Variants in RBFOX1 observed in about 807,000 individuals in gnomAD.
The protein encoded by RBFOX1 is RNA binding fox-1 homolog 1.
A neutral mutation model predicts 57.7 loss-of-function variants in RBFOX1; 8 were observed. The observed-to-expected ratio is 0.14, with a 90% CI of 0.08 to 0.25. The LOEUF is 0.25. Among genes scored for constraint, RBFOX1 ranks in the 10% least tolerant of loss-of-function variants. The pLI is 1.00. For missense variants in RBFOX1, 611 were observed against 548.5 expected, an observed-to-expected ratio of 1.11 and a Z score of -1.14; for synonymous variants, 326 against 222.4, an observed-to-expected ratio of 1.47 and a Z score of -4.15.
chr16:7,174,507 G>C (rs573130388), intron 4 of RBFOX1, among the ~76,000 whole-genome samples: 7 of 152,168 alleles, frequency 4.6e-5, no homozygotes, highest in African/African-American at 1.2e-4. Context: ...CTGGCTGGGC[G>C]CAGTGGCTCA....
Position 6,670,186 on chromosome 16 carries a change from C to A in RBFOX1, c.-16+15536C>A, listed in dbSNP as rs529475886. ...CAGTGTGATCCTCCTACATCAGCTTCCCAAGTAGCTGGAACCACAGGAGTG... is the reference window on the plus strand; with the variant it reads ...CAGTGTGATCCTCCTACATCAGCTTACCAAGTAGCTGGAACCACAGGAGTG... On this transcript the variant is annotated intron_variant, in intron 3 of 15. Transcript: ENST00000550418. Among the ~76,000 whole-genome samples the A allele has an allele frequency of 4.6e-5, 7 of 152,212 alleles. No individual in the cohort carries two copies. In the South Asian group the frequency reaches 1.5e-3, roughly 32 times the overall value.
intron 4 of RBFOX1, among the ~76,000 whole-genome samples, chr16:7,359,174 G>A (rs1263256726): frequency 6.6e-6 from 1 of 152,134 alleles, no homozygotes; most frequent in Non-Finnish European, 1.5e-5. Context: ...GTGACCTTTG[G>A]CATGTCTCAG....
chr16:7,152,677 G>A (rs969922539), intron 4 of RBFOX1, among the ~76,000 whole-genome samples: 2 of 152,088 alleles, frequency 1.3e-5, no homozygotes, highest in Admixed American at 1.3e-4. Context: ...AATTTATTTT[G>A]CTTTGGAAAT....
chr16:5,821,678 G>T (rs1368264074), intron 3 of RBFOX1, among the ~76,000 whole-genome samples: 1 of 152,168 alleles, frequency 6.6e-6, no homozygotes, highest in East Asian at 1.9e-4. Flanking sequence ...TCCTGAGACT[G>T]TGTAACTTAC....
chr16:7,476,694 T>G (rs1257167103), intron 4 of RBFOX1, among the ~76,000 whole-genome samples: 1 of 152,136 alleles, frequency 6.6e-6, no homozygotes, highest in Non-Finnish European at 1.5e-5. Context: ...ATCCCTCACT[T>G]CATTTCCCCA....
At chr16:5,891,146 C>A (rs2058036414) in intron 4 of RBFOX1, among the ~76,000 whole-genome samples, 1 of 152,130 alleles carries the variant, frequency 6.6e-6, no homozygotes, top group Non-Finnish European at 1.5e-5. Context: ...GCCTCTCTAC[C>A]CTCCTTAGGA....
intron 3 of RBFOX1, among the ~76,000 whole-genome samples, chr16:6,982,981 T>TGAG (rs1285221764): frequency 9.2e-6 from 1 of 108,684 alleles, no homozygotes; most frequent in African/African-American, 3.8e-5. Context: ...GTGACAAGAG[T>TGAG]GAGACTCTGT....
chr16:6,663,987 A>G (rs559887428), intron 3 of RBFOX1, among the ~76,000 whole-genome samples: 134 of 152,314 alleles, frequency 8.8e-4, no homozygotes, highest in Non-Finnish European at 1.2e-3. Flanking sequence ...TTGACCAGGA[A>G]GAGTATTATG....
chr16:5,801,045 G>C (rs781021645), intron 3 of RBFOX1, among the ~76,000 whole-genome samples: 18 of 152,072 alleles, frequency 1.2e-4, no homozygotes, highest in Non-Finnish European at 5.9e-5. Context: ...TCACAGGATT[G>C]CCACTTTTGA....
chr16:6,740,185 G>C (rs935154862), intron 3 of RBFOX1, among the ~76,000 whole-genome samples: 2 of 152,100 alleles, frequency 1.3e-5, no homozygotes, highest in African/African-American at 4.8e-5. Context: ...CACATTAGCT[G>C]ATGCAGGAAA....
chr16:7,463,160 C>A (rs1418370252), intron 4 of RBFOX1, among the ~76,000 whole-genome samples: 25 of 152,092 alleles, frequency 1.6e-4, no homozygotes, highest in Admixed American at 1.6e-3. Context: ...TCTTGCTATG[C>A]CCTCAGATGG....
rs114288040 is a variant in RBFOX1, at chr16:7,284,313, A to T, written c.27+232215A>T. Among the ~76,000 whole-genome samples the T allele has an allele frequency of 4.9e-3, 743 of 152,190 alleles. 9 individuals carry two copies. Among genetic ancestry groups the T allele is most frequent in the African/African-American group, 0.017 (710 of 41,520 alleles). ...CTAGGAGTGGTGTTGCTGGATTGAG[A>T]AGTATGTTTATGTTTAACTTTATTC... On this transcript the variant is annotated intron_variant, in intron 4 of 15. Transcript: ENST00000550418.
intron 2 of RBFOX1, among the ~76,000 whole-genome samples, chr16:5,473,207 C>T (rs187639325): frequency 1.3e-4 from 20 of 152,252 alleles, no homozygotes; most frequent in South Asian, 2.1e-4. Flanking sequence ...TTTCTTCCCA[C>T]AAAAATATAT....
intron 4 of RBFOX1, among the ~76,000 whole-genome samples, chr16:7,319,738 G>A (rs183067433): frequency 1.4e-3 from 206 of 152,290 alleles, no homozygotes; most frequent in African/African-American, 4.5e-3. Flanking sequence ...ATGTGAAGCA[G>A]GCAGAGGAAA....
chr16:7,121,387 G>T (rs915097960), intron 4 of RBFOX1, among the ~76,000 whole-genome samples: 2 of 151,870 alleles, frequency 1.3e-5, no homozygotes, highest in African/African-American at 4.8e-5. Context: ...AAACCTCTTA[G>T]GTGAAAACAT....
chr16:6,766,270 A>G (rs74971430), intron 3 of RBFOX1, among the ~76,000 whole-genome samples: 1,587 of 152,234 alleles, frequency 0.01, 11 homozygotes, highest in Non-Finnish European at 0.018. Context: ...ACAGCTCTTT[A>G]TCTCTTTCCA....
At chr16:7,493,197 G>A (rs564285042) in intron 4 of RBFOX1, among the ~76,000 whole-genome samples, 1 of 152,212 alleles carries the variant, frequency 6.6e-6, no homozygotes, top group South Asian at 2.1e-4. Flanking sequence ...CCTTTTCTTT[G>A]TAAAATACCC....
chr16:5,748,321 T>C (rs1043460648), intron 3 of RBFOX1, among the ~76,000 whole-genome samples: 6 of 152,118 alleles, frequency 3.9e-5, no homozygotes, highest in Non-Finnish European at 7.3e-5. Context: ...GGAATAAGTG[T>C]GATGTGATGC....
At chr16:6,777,519 G>C (rs1271456680) in intron 3 of RBFOX1, among the ~76,000 whole-genome samples, 2 of 152,036 alleles carry the variant, frequency 1.3e-5, no homozygotes, top group African/African-American at 4.8e-5. Context: ...ATTCTATTTT[G>C]TAATGCATTT....
Sources: gnomAD v4.1 joint callset for allele counts (sites outside exome capture counted in the v4.1 genomes callset) on GRCh38, gnomAD v4.1.1 for gene constraint, MANE v1.5 for transcripts, NCBI Gene and HGNC (gene_info 2026-07-23, HGNC 2026-07-21) for gene names.